ASAP3: variants seen among roughly 807,000 people sequenced by gnomAD.
ASAP3 encodes the protein arf-GAP with SH3 domain, ANK repeat and PH domain-containing protein 3.
ASAP3 carries 85 observed loss-of-function variants against 118.2 expected under a neutral mutation model. The ratio of observed to expected loss-of-function variants is 0.72; its 90% confidence interval spans 0.60 to 0.86. The LOEUF is 0.86. Ranked by LOEUF, ASAP3 falls within the 40% of genes least tolerant of loss-of-function variation. The pLI is 0.00. For synonymous variants in ASAP3, 432 were observed against 477.4 expected (o/e 0.90, Z 1.24); for missense variants, 1,026 against 1,175.0 (o/e 0.87, Z 1.85).
chr1:23,465,944 C>T (rs939702157), intron 1 of ASAP3, among the ~76,000 whole-genome samples: 5 of 152,196 alleles, frequency 3.3e-5, no homozygotes, highest in Non-Finnish European at 7.4e-5. Flanking sequence ...CCCAATTCTA[C>T]CACCTCTACC....
chr1:23,430,962 G>A (rs1205261412), intron 24 of ASAP3, 73 bp downstream of exon 24: 10 of 1,382,834 alleles, frequency 7.2e-6, no homozygotes, highest in Admixed American at 5.1e-5. Context: ...ACCCCAATAC[G>A]CCTACTCTTG....
chr1:23,441,331 C>T, intron 9 of ASAP3, 56 bp downstream of exon 9: 2 of 1,608,006 alleles, frequency 1.2e-6, no homozygotes, highest in Non-Finnish European at 1.7e-6. Flanking sequence ...TCTCTCCCTC[C>T]CTCCACGGTG....
intron 1 of ASAP3, among the ~76,000 whole-genome samples, chr1:23,482,923 G>A (rs1290844087): frequency 6.6e-6 from 1 of 151,270 alleles, no homozygotes; most frequent in Non-Finnish European, 1.5e-5. Context: ...CTGCACTCCA[G>A]CCTGGGCGAC....
intron 3 of ASAP3, among the ~76,000 whole-genome samples, chr1:23,454,027 T>A (rs990495288): frequency 6.8e-6 from 1 of 147,354 alleles, no homozygotes; most frequent in Non-Finnish European, 1.5e-5. Flanking sequence ...TCAAACACTA[T>A]TTTTTTTTTT....
At chr1:23,434,887 G>A (rs906922998) in intron 17 of ASAP3, among the ~76,000 whole-genome samples, 4 of 151,710 alleles carry the variant, frequency 2.6e-5, no homozygotes, top group Admixed American at 2.0e-4. Flanking sequence ...CTCCCTGATC[G>A]CACTTCCCCA....
At position 23,429,889 on chromosome 1, in the gene ASAP3, G is replaced by A; in HGVS notation, c.2679C>T (p.Leu893=). ...TEGDGSRTGS[L]PASSVQLLQD ...GCAAAAGTTGCACAGAACTTGCTGGGAGACTCCCAGTCCTTGAGCCATCTC... is the reference window on the plus strand; with the variant it reads ...GCAAAAGTTGCACAGAACTTGCTGGAAGACTCCCAGTCCTTGAGCCATCTC... The change falls in exon 25 of 25, where the codon CTC becomes CTT. Residue 893 remains leucine, a synonymous_variant. Transcript: ENST00000336689. 4 of 1,613,990 alleles carry A rather than the reference G, an allele frequency of 2.5e-6. No homozygotes were observed. The highest frequency in any genetic ancestry group is 2.2e-5 in the East Asian group (1 of 44,884).
intron 3 of ASAP3, among the ~76,000 whole-genome samples, chr1:23,453,861 C>T (rs75329801): frequency 1.5e-3 from 232 of 152,280 alleles, no homozygotes; most frequent in African/African-American, 5.5e-3. Context: ...TTCTCTCCCC[C>T]ACTAGACTGT....
In ASAP3 at chr1:23,441,125, GCC is replaced by G; in HGVS notation, c.919_920del (p.Gly307LeufsTer7). On this transcript the variant is annotated frameshift_variant, in exon 10 of 25. Transcript: ENST00000336689. LOFTEE classifies it high-confidence loss of function. The stretch of plus-strand genomic sequence containing the variant: ...ACCCGTCACTTTTCTTGTATAGAAA[GCC>G]CACTTTCTCCGTCCCAAACTGCTTG... ...GNKQFGTEKV[G>X]FLYKKSDGIR... 4 of 1,614,156 alleles carry G rather than the reference GCC, an allele frequency of 2.5e-6. No individual in the cohort carries two copies. The highest frequency in any genetic ancestry group is 3.4e-6 in the Non-Finnish European group (4 of 1,180,020).
At chr1:23,461,618 G>T (rs1393871708) in intron 1 of ASAP3, among the ~76,000 whole-genome samples, 1 of 151,146 alleles carries the variant, frequency 6.6e-6, no homozygotes, top group Non-Finnish European at 1.5e-5. Flanking sequence ...CTGTGATCGT[G>T]CCACTGCACT....
chr1:23,462,521 C>T (rs980961212), intron 1 of ASAP3, among the ~76,000 whole-genome samples: 6 of 151,534 alleles, frequency 4.0e-5, no homozygotes, highest in African/African-American at 1.5e-4. Context: ...ACCTGTAATC[C>T]CAGCACTTTG....
At chr1:23,435,590 T>C in intron 17 of ASAP3, 2 of 551,024 alleles carry the variant, frequency 3.6e-6, no homozygotes, top group Non-Finnish European at 6.5e-6. Flanking sequence ...TGGGTGCTAT[T>C]ATTAACCCCT....
chr1:23,430,146 C>T (rs577735971), intron 24 of ASAP3, among the ~76,000 whole-genome samples: 2 of 152,332 alleles, frequency 1.3e-5, no homozygotes, highest in Middle Eastern at 3.4e-3. Flanking sequence ...CAATCACAGG[C>T]ATCAATTAAA....
chr1:23,461,632 G>A (rs1477909980), intron 1 of ASAP3, among the ~76,000 whole-genome samples: 2 of 151,542 alleles, frequency 1.3e-5, no homozygotes, highest in East Asian at 1.9e-4. Context: ...CTGCACTCCA[G>A]CCTGGGCAAC....
Position 23,436,626 on chromosome 1 carries a change from A to AATTC in ASAP3, c.1504_1505insGAAT (p.Phe502Ter). 6.2e-7 allele frequency: 1 copy of AATTC among 1,614,178 alleles called. No individual in the cohort carries two copies. Among genetic ancestry groups the AATTC allele is most frequent in the South Asian group, 1.1e-5 (1 of 91,090 alleles). On this transcript the variant is annotated stop_gained and frameshift_variant, in exon 16 of 25. Transcript: ENST00000336689. LOFTEE classifies it high-confidence loss of function. This position sits in a 1 kb window ranked among gnomAD's most constrained non-coding sequence, Gnocchi z 4.2. Reference sequence around the variant, plus strand: ...TAGCTGGGCCTCCATGACCTCATTGAAGCTCGTGTTTCCCATGTTCAAGGC... The same window carrying AATTC: ...TAGCTGGGCCTCCATGACCTCATTGAATTCAGCTCGTGTTTCCCATGTTCAAGGC...
chr1:23,431,232 G>A, intron 23 of ASAP3, 107 bp from the exon 24 acceptor site: 2 of 1,206,792 alleles, frequency 1.7e-6, no homozygotes, highest in Non-Finnish European at 2.3e-6. Context: ...GGATGGGTGG[G>A]TAGAGTCCAC....
At position 23,431,875 on chromosome 1, in the gene ASAP3, G is replaced by GGTCTCAGGGGCCTCTGAACTCAGGC; in HGVS notation, c.2342_2366dup (p.Ser792PhefsTer5). ...AGGCTGGACTGCCCAGGCTCTCAGG[G>GGTCTCAGGGGCCTCTGAACTCAGGC]GTCTCAGGGGCCTCTGAACTCAGGC... On this transcript the variant is annotated stop_gained and frameshift_variant, in exon 23 of 25. Coordinates refer to ENST00000336689, the MANE Select transcript of ASAP3 (RefSeq NM_017707.4). LOFTEE classifies it high-confidence loss of function. 1 of 1,606,510 alleles carries GGTCTCAGGGGCCTCTGAACTCAGGC rather than the reference G, an allele frequency of 6.2e-7. No homozygotes were observed. The highest frequency in any genetic ancestry group is 8.5e-7 in the Non-Finnish European group (1 of 1,177,604).
chr1:23,470,368 G>T (rs1189375048), intron 1 of ASAP3, among the ~76,000 whole-genome samples: 1 of 152,170 alleles, frequency 6.6e-6, no homozygotes, highest in African/African-American at 2.4e-5. Context: ...GCAGAAGGGG[G>T]TGCCAGAGGA....
chr1:23,435,477 T>G (rs1411856301), intron 17 of ASAP3, among the ~76,000 whole-genome samples: 2 of 152,250 alleles, frequency 1.3e-5, no homozygotes, highest in Non-Finnish European at 1.5e-5. Context: ...GACATGCCCT[T>G]ATATTTCAGG....
At chr1:23,455,777 A>G (rs999099953) in intron 3 of ASAP3, 104 bp downstream of exon 3, 10 of 1,482,132 alleles carry the variant, frequency 6.7e-6, no homozygotes. Context: ...GTCAGAGATC[A>G]AGGGCAAATT....
Sources: gnomAD v4.1 joint callset for allele counts (sites outside exome capture counted in the v4.1 genomes callset) on GRCh38, gnomAD v4.1.1 for gene constraint, Gnocchi (gnomAD v3.1) non-coding constraint, MANE v1.5 for transcripts, NCBI Gene and HGNC (gene_info 2026-07-23, HGNC 2026-07-21) for gene names.